The following ACYP2 variants were observed in gnomAD, a reference collection of about 807,000 sequenced individuals.
ACYP2 encodes the protein acylphosphatase 2, also known as acylphosphatase-2.
A neutral mutation model predicts 11.2 loss-of-function variants in ACYP2; 12 were observed. The ratio of observed to expected loss-of-function variants is 1.08; its 90% confidence interval spans 0.69 to 1.74. The LOEUF is 1.74. ACYP2 is among the 40% of genes most tolerant of loss of function. The pLI is 0.00. For synonymous variants in ACYP2, 43 were observed against 32.2 expected, an observed-to-expected ratio of 1.33 and a Z score of -1.13; for missense variants, 134 against 101.9, an observed-to-expected ratio of 1.31 and a Z score of -1.35.
chr2:54,300,048 A>C (rs1375196678), intron 6 of ACYP2, among the ~76,000 whole-genome samples: 1 of 152,214 alleles, frequency 6.6e-6, no homozygotes, highest in Non-Finnish European at 1.5e-5. Context: ...CACACTGAGA[A>C]AATGAAAGCT....
At chr2:54,059,283 A>G (rs906750427) in intron 4 of ACYP2, among the ~76,000 whole-genome samples, 5 of 151,480 alleles carry the variant, frequency 3.3e-5, no homozygotes, top group African/African-American at 1.2e-4. Flanking sequence ...CAATGGCTCA[A>G]TCTTGGCCCA....
intron 2 of ACYP2, among the ~76,000 whole-genome samples, chr2:54,048,115 A>T (rs571848521): frequency 6.6e-6 from 1 of 152,260 alleles, no homozygotes; most frequent in African/African-American, 2.4e-5. Context: ...CTAATTTTAT[A>T]TATATTTTTT....
chr2:54,263,264 T>TTAAG (rs1409718388), intron 6 of ACYP2, among the ~76,000 whole-genome samples: 2 of 152,062 alleles, frequency 1.3e-5, no homozygotes, highest in African/African-American at 4.8e-5. Context: ...TGCCACACAC[T>TTAAG]TAAGTGACCA....
intron 6 of ACYP2, among the ~76,000 whole-genome samples, chr2:54,293,295 A>G (rs556587634): frequency 2.6e-5 from 4 of 152,174 alleles, no homozygotes; most frequent in Admixed American, 2.6e-4. Context: ...ATCTGTCACT[A>G]GATATGTGTT....
chr2:54,029,825 G>A (rs1405513386), intron 2 of ACYP2: 7 of 503,906 alleles, frequency 1.4e-5, no homozygotes, highest in Non-Finnish European at 2.6e-5. Context: ...TTTGAACAGT[G>A]CCCACTCCCT....
At chr2:54,276,619 T>TCACACACACACACACACACAAACACACA (rs1688587752) in intron 6 of ACYP2, among the ~76,000 whole-genome samples, 1 of 146,108 alleles carries the variant, frequency 6.8e-6, no homozygotes, top group African/African-American at 2.5e-5. Flanking sequence ...GATTGTTCTT[T>TCACACACACACACACACACAAACACACA]CACACACACA....
intron 2 of ACYP2, among the ~76,000 whole-genome samples, chr2:54,022,369 C>G (rs1674052014): frequency 6.6e-6 from 1 of 152,112 alleles, no homozygotes; most frequent in South Asian, 2.1e-4. Flanking sequence ...CACCCTGTCA[C>G]CCATGCTAGA....
intron 6 of ACYP2, among the ~76,000 whole-genome samples, chr2:54,141,259 C>T (rs780656372): frequency 7.2e-5 from 11 of 152,108 alleles, no homozygotes; most frequent in African/African-American, 2.2e-4. Flanking sequence ...CTATTGGTTT[C>T]GTCTATGATA....
At chr2:54,140,668 T>C (rs1681554412) in intron 6 of ACYP2, among the ~76,000 whole-genome samples, 1 of 152,188 alleles carries the variant, frequency 6.6e-6, no homozygotes, top group Non-Finnish European at 1.5e-5. Context: ...GGAAAATCCT[T>C]TCAAGTCGAA....
intron 6 of ACYP2, among the ~76,000 whole-genome samples, chr2:54,214,109 C>T (rs7567646): frequency 0.32 from 49,102 of 151,722 alleles, 8,520 homozygotes; most frequent in African/African-American, 0.47. Context: ...CTTGTTAATT[C>T]GTTTAAGTTC....
At chr2:54,183,334 C>A (rs1271501611) in intron 6 of ACYP2, among the ~76,000 whole-genome samples, 3 of 151,950 alleles carry the variant, frequency 2.0e-5, no homozygotes, top group Non-Finnish European at 4.4e-5. Context: ...AATTTATTTT[C>A]CTTGCTTTCA....
intron 6 of ACYP2, among the ~76,000 whole-genome samples, chr2:54,201,931 C>T (rs954731226): frequency 3.3e-5 from 5 of 151,994 alleles, no homozygotes; most frequent in Admixed American, 2.0e-4. Flanking sequence ...TGGTCTTAAA[C>T]TCCTGACCTG....
chr2:54,089,302 A>G (rs1678101494), intron 4 of ACYP2, among the ~76,000 whole-genome samples: 1 of 152,156 alleles, frequency 6.6e-6, no homozygotes, highest in Non-Finnish European at 1.5e-5. Context: ...TTTAATATTA[A>G]AAATGTTGGC....
intron 2 of ACYP2, among the ~76,000 whole-genome samples, chr2:53,986,816 G>A (rs1672061287): frequency 1.3e-5 from 2 of 151,708 alleles, no homozygotes; most frequent in Admixed American, 6.6e-5. Flanking sequence ...GTGAGAGACC[G>A]GTTTCACCAT....
chr2:54,215,079 C>T (rs1685502214), intron 6 of ACYP2, among the ~76,000 whole-genome samples: 1 of 152,114 alleles, frequency 6.6e-6, no homozygotes, highest in Non-Finnish European at 1.5e-5. Context: ...AGAAATGCTA[C>T]TGATTTTTGT....
intron 6 of ACYP2, among the ~76,000 whole-genome samples, chr2:54,153,677 G>A (rs1032059627): frequency 6.7e-6 from 1 of 149,156 alleles, no homozygotes; most frequent in Non-Finnish European, 1.5e-5. Context: ...TCGGCTCACT[G>A]CAAGCTCTGC....
intron 6 of ACYP2, among the ~76,000 whole-genome samples, chr2:54,264,523 C>G (rs1687930405): frequency 6.6e-6 from 1 of 152,150 alleles, no homozygotes; most frequent in Non-Finnish European, 1.5e-5. Flanking sequence ...AAGCAGGAGA[C>G]TAGCCAGGAA....
chr2:54,159,188 C>A (rs546595664), intron 6 of ACYP2, among the ~76,000 whole-genome samples: 1 of 151,708 alleles, frequency 6.6e-6, no homozygotes, highest in African/African-American at 2.4e-5. Flanking sequence ...AAAAAAAAAT[C>A]CTCAAAAATC....
chr2:54,013,358 T>C lies in ACYP2; in HGVS notation c.63-37600T>C, dbSNP rs146979365. On this transcript the variant is annotated intron_variant, in intron 2 of 6. Coordinates refer to ENST00000607452, the MANE Select transcript of ACYP2 (RefSeq NM_001320586.2). ...GCTCTGTTGCCCGGCTGGGGTGCAA[T>C]GTCACAATCTCGGCTCACTGCAACC... 4.4e-3 allele frequency among the ~76,000 whole-genome samples: 665 copies of C among 150,720 alleles called. 12 individuals are homozygous for C. The highest frequency in any genetic ancestry group is 0.016 in the African/African-American group (646 of 41,064).
Sources: gnomAD v4.1 joint callset for allele counts (sites outside exome capture counted in the v4.1 genomes callset) on GRCh38, gnomAD v4.1.1 for gene constraint, MANE v1.5 for transcripts, NCBI Gene and HGNC (gene_info 2026-07-23, HGNC 2026-07-21) for gene names.